Variants in C2orf92 observed in about 807,000 individuals in gnomAD.
C2orf92 encodes uncharacterized protein C2orf92.
intron 4 of C2orf92, 110 bp from the exon 5 acceptor site, chr2:97,690,146 C>A (rs75389571): frequency 4.2e-5 from 14 of 331,614 alleles, no homozygotes; most frequent in Non-Finnish European, 5.5e-5. Flanking sequence ...AAAAAAAAAC[C>A]ACAAAAAAAC....
upstream of C2orf92, chr2:97,669,567 G>C: frequency 2.6e-6 from 1 of 380,650 alleles, no homozygotes; most frequent in Non-Finnish European, 4.6e-6. Flanking sequence ...GCCGAGGGAA[G>C]TGAGCAGAGA....
chr2:97,690,386 C>CTT (rs1480000409), intron 5 of C2orf92, 59 bp downstream of exon 5: 331 of 333,980 alleles, frequency 9.9e-4, no homozygotes, highest in Middle Eastern at 1.6e-3. Flanking sequence ...TCTTTTTCCT[C>CTT]TTTTTTTTTT....
intron 1 of C2orf92, chr2:97,664,536 G>A (rs1338528403): frequency 6.7e-6 from 1 of 149,366 alleles, no homozygotes; most frequent in East Asian, 2.0e-4. Flanking sequence ...TCCCGCGCCA[G>A]CCAGTAGGGG....
intron 3 of C2orf92, among the ~76,000 whole-genome samples, chr2:97,684,315 A>G (rs940855095): frequency 6.6e-6 from 1 of 152,086 alleles, no homozygotes; most frequent in Admixed American, 6.6e-5. Flanking sequence ...GATTACAGGC[A>G]TGAGCCACCG....
chr2:97,674,247 G>T, intron 1 of C2orf92: 1 of 369,894 alleles, frequency 2.7e-6, no homozygotes, highest in Non-Finnish European at 4.8e-6. Context: ...TTTAGTGGGC[G>T]GTGTTTGCTG....
chr2:97,679,453 C>G (rs779479942), intron 3 of C2orf92, among the ~76,000 whole-genome samples: 18 of 152,114 alleles, frequency 1.2e-4, no homozygotes, highest in Non-Finnish European at 2.2e-4. Flanking sequence ...ATTTAAGATA[C>G]TAGGTGTTTA....
intron 1 of C2orf92, chr2:97,671,884 T>G (rs1261908087): frequency 1.7e-5 from 3 of 172,232 alleles, no homozygotes. Flanking sequence ...TTTTTAACAA[T>G]TGAGACATTC....
intron 5 of C2orf92, among the ~76,000 whole-genome samples, chr2:97,691,900 C>A (rs1676152233): frequency 6.6e-6 from 1 of 152,182 alleles, no homozygotes. Flanking sequence ...GGATTACAGG[C>A]ATGAGCCACC....
At chr2:97,675,634 A>G (rs989487239) in intron 2 of C2orf92, 1 of 390,794 alleles carries the variant, frequency 2.6e-6, no homozygotes, top group African/African-American at 2.1e-5. Context: ...TCAACAGACT[A>G]TGTGAAAATG....
chr2:97,683,113 CAA>C (rs1261236142), intron 3 of C2orf92, among the ~76,000 whole-genome samples: 1 of 151,478 alleles, frequency 6.6e-6, no homozygotes, highest in South Asian at 2.1e-4. Context: ...CACACACACA[CAA>C]ACATATTAAA....
chr2:97,695,807 G>A (rs552125638), intron 5 of C2orf92, among the ~76,000 whole-genome samples: 83 of 151,254 alleles, frequency 5.5e-4, no homozygotes, highest in African/African-American at 1.9e-3. Flanking sequence ...GCTGGAGTGC[G>A]GTGGCGCAAT....
intron 3 of C2orf92, among the ~76,000 whole-genome samples, chr2:97,683,195 C>T (rs1443583825): frequency 6.6e-6 from 1 of 151,682 alleles, no homozygotes; most frequent in Non-Finnish European, 1.5e-5. Context: ...TGTTTTTATA[C>T]ACTAACGATA....
chr2:97,700,728 T>C (rs1676464470), intron 6 of C2orf92, among the ~76,000 whole-genome samples: 1 of 109,586 alleles, frequency 9.1e-6, no homozygotes, highest in East Asian at 2.3e-4. Flanking sequence ...CCAAGGTTTT[T>C]TGTTTTTTTT....
chr2:97,692,069 A>T (rs2104587074), intron 5 of C2orf92, among the ~76,000 whole-genome samples: 1 of 152,288 alleles, frequency 6.6e-6, no homozygotes, highest in East Asian at 1.9e-4. Flanking sequence ...TGGTATTCTG[A>T]TTGGCATTGC....
At chr2:97,671,678 A>G (rs1675416222) in intron 1 of C2orf92, 1 of 386,248 alleles carries the variant, frequency 2.6e-6, no homozygotes. Flanking sequence ...ACAGATGATA[A>G]ACACCTCAAA....
At chr2:97,688,755 AT>A in intron 3 of C2orf92, 139 bp from the exon 4 acceptor site, 1 of 394,672 alleles carries the variant, frequency 2.5e-6, no homozygotes, top group Non-Finnish European at 4.5e-6. Context: ...AAGACAAGGC[AT>A]TTTAGGGAAT....
At chr2:97,697,644 A>C (rs1310921186) in intron 5 of C2orf92, among the ~76,000 whole-genome samples, 2 of 152,236 alleles carry the variant, frequency 1.3e-5, no homozygotes, top group African/African-American at 4.8e-5. Context: ...AGGAATACCT[A>C]GAACTTCATG....
At chr2:97,700,025 G>A (rs931504305) in intron 6 of C2orf92, among the ~76,000 whole-genome samples, 1 of 152,194 alleles carries the variant, frequency 6.6e-6, no homozygotes, top group South Asian at 2.1e-4. Flanking sequence ...CACGAAACCA[G>A]CCGATACCTG....
chr2:97,667,589 C>T (rs988307971), upstream of C2orf92, among the ~76,000 whole-genome samples: 4 of 151,800 alleles, frequency 2.6e-5, no homozygotes, highest in African/African-American at 7.3e-5. Context: ...CCCACCACCA[C>T]GCCTGGCTAA....
Sources: allele counts gnomAD v4.1 joint callset (sites outside exome capture counted in the v4.1 genomes callset), GRCh38; gene constraint gnomAD v4.1.1; transcripts MANE v1.5; gene names NCBI Gene and HGNC (gene_info 2026-07-23, HGNC 2026-07-21).